FASTKD5: variants seen among roughly 807,000 people sequenced by gnomAD.
FASTKD5 encodes the protein non-canonical pre-mRNAs endonuclease FASTKD5, mitochondrial.
Under a neutral mutation model 44.0 loss-of-function variants are expected in FASTKD5, and 30 were observed. That is an observed-to-expected ratio of 0.68 (90% CI 0.51 to 0.93). The LOEUF is 0.93. Among genes scored for constraint, FASTKD5 ranks in the 40% least tolerant of loss-of-function variants. FASTKD5 has a pLI of 0.00. For missense variants in FASTKD5, 868 were observed against 908.2 expected, an observed-to-expected ratio of 0.96 and a Z score of 0.57; for synonymous variants, 335 against 342.2, an observed-to-expected ratio of 0.98 and a Z score of 0.23.
At chr20:3,157,550 T>C (rs1010189666) in intron 1 of FASTKD5, among the ~76,000 whole-genome samples, 2 of 152,214 alleles carry the variant, frequency 1.3e-5, no homozygotes, top group Admixed American at 6.5e-5. Flanking sequence ...TGGGTAGATA[T>C]AGTATGACTA....
chr20:3,156,136 G>A lies in FASTKD5; in HGVS notation c.-191+3630C>T, dbSNP rs148633781. ...AAAATCCATAGGAAAGCTGGAAAGA[G>A]AACACTATGAGATGCTCAGTCAATT... is the stretch of plus-strand genomic sequence containing the variant. On this transcript the variant is annotated intron_variant, in intron 1 of 1. Coordinates refer to ENST00000380266, the MANE Select transcript of FASTKD5 (RefSeq NM_021826.5). Among the ~76,000 whole-genome samples the A allele has an allele frequency of 3.6e-3, 538 of 150,166 alleles. 2 individuals carry two copies. The highest frequency in any genetic ancestry group is 6.0e-3 in the Admixed American group (90 of 15,052).
intron 1 of FASTKD5, among the ~76,000 whole-genome samples, chr20:3,151,079 T>C (rs901386631): frequency 2.0e-5 from 3 of 152,192 alleles, no homozygotes. Flanking sequence ...TGTGTGTGTG[T>C]GTGTGTGGAG....
chr20:3,155,892 ACT>A lies in FASTKD5; in HGVS notation c.-191+3872_-191+3873del, dbSNP rs771091221. Among the ~76,000 whole-genome samples, 40 of 152,322 alleles carry A rather than the reference ACT, an allele frequency of 2.6e-4. 1 individual carries two copies. Among genetic ancestry groups the A allele is most frequent in the Middle Eastern group, 3.4e-3 (1 of 294 alleles). On this transcript the variant is annotated intron_variant, in intron 1 of 1. Transcript: ENST00000380266. ...TTTTCACTATGCAACATTTACAGTA[ACT>A]CTATAGAAACTGTATCTACATACAC...
At chr20:3,157,750 A>G (rs777509267) in intron 1 of FASTKD5, among the ~76,000 whole-genome samples, 3 of 152,258 alleles carry the variant, frequency 2.0e-5, no homozygotes, top group African/African-American at 2.4e-5. Context: ...CACAGTCGTC[A>G]TAAGAGAAAA....
intron 1 of FASTKD5, among the ~76,000 whole-genome samples, chr20:3,158,359 G>A (rs1385669345): frequency 6.6e-6 from 1 of 152,160 alleles, no homozygotes; most frequent in Non-Finnish European, 1.5e-5. Flanking sequence ...AATGGATGGG[G>A]AAGAAAATCA....
chr20:3,147,212 T>C lies in FASTKD5; in HGVS notation c.1859A>G (p.His620Arg), dbSNP rs752882767. ...AENVAKLRLE[H>R]VGVSLTDDLM... ...ATCATCTGTAAGGCTGACTCCCACA[T>C]GCTCAAGCCTTAATTTGGCTACATT... is the stretch of plus-strand genomic sequence containing the variant. Residue 620 changes from histidine (H) to arginine (R), a missense_variant, in exon 2 of 2, where the codon CAT (histidine) becomes CGT (arginine). Transcript: ENST00000380266. The C allele has an allele frequency of 2.5e-6, 4 of 1,614,094 alleles. No individual in the cohort carries two copies. The highest frequency in any genetic ancestry group is 1.3e-5 in the African/African-American group (1 of 74,942).
intron 1 of FASTKD5, among the ~76,000 whole-genome samples, chr20:3,157,043 G>T (rs371490512): frequency 6.6e-6 from 1 of 152,108 alleles, no homozygotes; most frequent in Admixed American, 6.5e-5. Context: ...GGCAGATCAC[G>T]TGAGGCCAGG....
chr20:3,159,515 GA>G (rs530700515), intron 1 of FASTKD5, among the ~76,000 whole-genome samples: 1 of 152,094 alleles, frequency 6.6e-6, no homozygotes, highest in African/African-American at 2.4e-5. Context: ...TTTCACAGAG[GA>G]AAAAAAATCA....
chr20:3,146,845 T>G lies in FASTKD5; in HGVS notation c.2226A>C (p.Pro742=). The G allele has an allele frequency of 6.2e-7, 1 of 1,614,196 alleles. No homozygotes were observed. Among genetic ancestry groups the G allele is most frequent in the Non-Finnish European group, 8.5e-7 (1 of 1,180,022 alleles). The stretch of plus-strand genomic sequence containing the variant: ...TTTCTAAGCGAGTTCGTTTCAGTAG[T>G]GGGAGCCATTCCCAGTAGGATAACT... ...VVELSYWEWL[P]LLKRTRLEKL... The change falls in exon 2 of 2, where the codon CCA becomes CCC. Residue 742 remains proline, a synonymous_variant. Transcript: ENST00000380266.
At chr20:3,158,758 G>A (rs1339903369) in intron 1 of FASTKD5, among the ~76,000 whole-genome samples, 1 of 152,376 alleles carries the variant, frequency 6.6e-6, no homozygotes, top group South Asian at 2.1e-4. Context: ...ACAGGCGTGA[G>A]CCACTGTGTC....
In FASTKD5 at chr20:3,149,398, A is replaced by C. The variant is rs1227260149; in HGVS notation, c.-190-138T>G. On this transcript the variant is annotated intron_variant, in intron 1 of 1. Coordinates refer to ENST00000380266, the MANE Select transcript of FASTKD5 (RefSeq NM_021826.5). The surrounding 1 kb of genome is among the most constrained non-coding windows in gnomAD (Gnocchi z 4.1). ...TGCTAGTAAATGCCCAAACCACATG[A>C]CAGCATATATCAAGGATAAATTCTG... 2 of 298,384 alleles carry C rather than the reference A, an allele frequency of 6.7e-6. No homozygotes were observed. Among genetic ancestry groups the C allele is most frequent in the Non-Finnish European group, 6.2e-6 (1 of 160,878 alleles). The allele number at this position is 298,384 out of a possible 1,614,324, so 18.5% of individuals were successfully genotyped here. A position where few individuals can be genotyped will look rare whatever the true frequency, so the allele number is the denominator to read the frequency against.
intron 1 of FASTKD5, among the ~76,000 whole-genome samples, chr20:3,153,053 A>G (rs1488563293): frequency 6.6e-6 from 1 of 152,266 alleles, no homozygotes. Context: ...GCATCAACAC[A>G]TGAAAAAGTA....
intron 1 of FASTKD5, among the ~76,000 whole-genome samples, chr20:3,157,084 G>C (rs2066693254): frequency 6.8e-6 from 1 of 146,142 alleles, no homozygotes. Context: ...TACATGGCGA[G>C]ACCCTGTCTC....
At chr20:3,154,234 G>A (rs2066662012) in intron 1 of FASTKD5, among the ~76,000 whole-genome samples, 1 of 152,154 alleles carries the variant, frequency 6.6e-6, no homozygotes, top group Non-Finnish European at 1.5e-5. Context: ...AGCTCATGCT[G>A]GACGACATAG....
chr20:3,159,647 C>T (rs1280773361), intron 1 of FASTKD5, 119 bp downstream of exon 1: 4 of 152,342 alleles, frequency 2.6e-5, no homozygotes, highest in Non-Finnish European at 5.9e-5. Context: ...CTGAACAAGG[C>T]CTCGATGCGC....
chr20:3,155,079 A>G (rs1363672445), intron 1 of FASTKD5, among the ~76,000 whole-genome samples: 1 of 151,206 alleles, frequency 6.6e-6, no homozygotes, highest in Non-Finnish European at 1.5e-5. Context: ...AAAAGAAAAG[A>G]AAAGAAAAGA....
intron 1 of FASTKD5, among the ~76,000 whole-genome samples, chr20:3,156,301 A>C (rs1380447468): frequency 6.7e-6 from 1 of 149,742 alleles, no homozygotes; most frequent in Admixed American, 6.8e-5. Context: ...TCAGCCTCCC[A>C]AGTAGCTGAG....
chr20:3,151,340 A>G (rs1424444164), intron 1 of FASTKD5, among the ~76,000 whole-genome samples: 1 of 152,198 alleles, frequency 6.6e-6, no homozygotes, highest in African/African-American at 2.4e-5. Context: ...TAGGCCATTC[A>G]TTATATATTG....
At chr20:3,155,052 C>CAAAAAAAAAAAAAA (rs11326176) in intron 1 of FASTKD5, among the ~76,000 whole-genome samples, 1 of 96,094 alleles carries the variant, frequency 1.0e-5, no homozygotes, top group African/African-American at 4.6e-5. Context: ...GACACAGTCT[C>CAAAAAAAAAAAAAA]AAAAAAAAAA....
Sources: gnomAD v4.1 joint callset for allele counts (sites outside exome capture counted in the v4.1 genomes callset) on GRCh38, gnomAD v4.1.1 for gene constraint, Gnocchi (gnomAD v3.1) non-coding constraint, MANE v1.5 for transcripts, NCBI Gene and HGNC (gene_info 2026-07-23, HGNC 2026-07-21) for gene names.